The following FNDC3A variants were observed in gnomAD, a reference collection of about 807,000 sequenced individuals.
FNDC3A encodes fibronectin type III domain containing 3A.
In FNDC3A, 32 loss-of-function variants were observed where a neutral mutation model predicts 148.9. The ratio of observed to expected loss-of-function variants is 0.21; its 90% CI spans 0.16 to 0.29. The LOEUF is 0.29. Among genes scored for constraint, FNDC3A ranks in the 10% least tolerant of loss-of-function variants. The pLI, the probability that FNDC3A is intolerant of heterozygous loss-of-function variation, is 1.00. For synonymous variants in FNDC3A, 472 were observed against 473.6 expected, an observed-to-expected ratio of 1.00 and a Z score of 0.04; for missense variants, 1,191 against 1,452.8, an observed-to-expected ratio of 0.82 and a Z score of 2.93.
chr13:49,196,765 T>A (rs1257059074), intron 19 of FNDC3A, 112 bp from the exon 20 acceptor site: 1 of 521,924 alleles, frequency 1.9e-6, no homozygotes, highest in African/African-American at 1.9e-5. Flanking sequence ...CAAATTAATC[T>A]TGAAACACAG....
At chr13:49,167,184 T>C (rs965562103) in intron 8 of FNDC3A, 60 bp from the exon 9 acceptor site, 1 of 988,624 alleles carries the variant, frequency 1.0e-6, no homozygotes, top group Non-Finnish European at 1.6e-6. Flanking sequence ...GTGTATATAA[T>C]GTACATTGGT....
At position 49,083,353 on chromosome 13, in the gene FNDC3A, AT is replaced by A. The variant is rs528580688; in HGVS notation, c.175+7993del. Among the ~76,000 whole-genome samples, 428 of 152,360 alleles carry A rather than the reference AT, an allele frequency of 2.8e-3. 2 individuals carry two copies. Among genetic ancestry groups the A allele is most frequent in the African/African-American group, 9.8e-3 (407 of 41,580 alleles). ...ACAACTTTATGAATAGAACTTGCTT[AT>A]TTTAGCGGAACTAGAACTAAATATG... On this transcript the variant is annotated intron_variant, in intron 3 of 25. Transcript: ENST00000492622.
intron 3 of FNDC3A, among the ~76,000 whole-genome samples, chr13:49,077,064 G>A (rs1878163525): frequency 6.6e-6 from 1 of 152,166 alleles, no homozygotes; most frequent in Non-Finnish European, 1.5e-5. Flanking sequence ...GACCTCTTGA[G>A]GCCAGGAATA....
At chr13:49,202,622 T>C (rs551220714) in intron 24 of FNDC3A, among the ~76,000 whole-genome samples, 3 of 152,342 alleles carry the variant, frequency 2.0e-5, no homozygotes, top group African/African-American at 7.2e-5. Flanking sequence ...AGAACTCTTC[T>C]TGACTAGTCT....
chr13:49,144,262 C>A (rs944167599), intron 7 of FNDC3A, among the ~76,000 whole-genome samples: 1 of 151,876 alleles, frequency 6.6e-6, no homozygotes, highest in Non-Finnish European at 1.5e-5. Context: ...TACAAAGAAT[C>A]ATTTTTAAGT....
chr13:49,011,852 A>T (rs1952352388), intron 2 of FNDC3A, among the ~76,000 whole-genome samples: 1 of 152,148 alleles, frequency 6.6e-6, no homozygotes. Flanking sequence ...AGGCAATGAA[A>T]ATATTTCTAA....
At chr13:49,065,374 A>T (rs966822851) in intron 2 of FNDC3A, among the ~76,000 whole-genome samples, 1 of 152,232 alleles carries the variant, frequency 6.6e-6, no homozygotes, top group African/African-American at 2.4e-5. Flanking sequence ...AGTATTGAGG[A>T]CTACACAATA....
chr13:49,094,557 C>T (rs545978358), intron 3 of FNDC3A, among the ~76,000 whole-genome samples: 261 of 152,148 alleles, frequency 1.7e-3, no homozygotes, highest in African/African-American at 6.1e-3. Context: ...AATTCTTAAC[C>T]TAATATTTGC....
At chr13:49,111,821 G>C (rs1222324625) in intron 3 of FNDC3A, among the ~76,000 whole-genome samples, 2 of 151,674 alleles carry the variant, frequency 1.3e-5, no homozygotes, top group Admixed American at 1.3e-4. Flanking sequence ...TCGTAAAGAA[G>C]TAAGTTAATC....
intron 23 of FNDC3A, among the ~76,000 whole-genome samples, chr13:49,199,038 TA>T (rs1163212565): frequency 6.6e-6 from 1 of 152,046 alleles, no homozygotes; most frequent in Non-Finnish European, 1.5e-5. Flanking sequence ...TTTTTTTTTT[TA>T]AGACAAGGTC....
intron 4 of FNDC3A, among the ~76,000 whole-genome samples, chr13:49,120,389 C>T (rs551013095): frequency 2.4e-4 from 37 of 152,218 alleles, no homozygotes; most frequent in African/African-American, 8.7e-4. Context: ...CAAAAACATG[C>T]CAAATTGTAA....
intron 2 of FNDC3A, among the ~76,000 whole-genome samples, chr13:49,016,157 G>A (rs1229227057): frequency 4.6e-5 from 7 of 152,202 alleles, no homozygotes; most frequent in African/African-American, 1.7e-4. Context: ...TCTGTTGATT[G>A]GAATAGTTTC....
chr13:48,976,843 G>GC (rs1360992377), intron 1 of FNDC3A: 2 of 152,376 alleles, frequency 1.3e-5, no homozygotes, highest in African/African-American at 4.8e-5. Context: ...ACTCGAGGCT[G>GC]CAGTCCTCGC....
At chr13:49,052,682 T>C (rs1326398476) in intron 2 of FNDC3A, among the ~76,000 whole-genome samples, 1 of 152,110 alleles carries the variant, frequency 6.6e-6, no homozygotes, top group Non-Finnish European at 1.5e-5. Flanking sequence ...CTTTCAAGAG[T>C]GCATCAGCTG....
intron 5 of FNDC3A, 92 bp from the exon 6 acceptor site, chr13:49,136,240 A>G: frequency 1.8e-6 from 2 of 1,086,584 alleles, no homozygotes; most frequent in South Asian, 1.8e-5. Flanking sequence ...TAAAAGTTTT[A>G]TATGATAGAT....
chr13:49,035,979 C>T (rs755841361), intron 2 of FNDC3A, among the ~76,000 whole-genome samples: 3 of 152,060 alleles, frequency 2.0e-5, no homozygotes, highest in Non-Finnish European at 4.4e-5. Context: ...ATCAGCCTGT[C>T]AGTCTACAGA....
chr13:49,101,083 A>G (rs1847940958), intron 3 of FNDC3A, among the ~76,000 whole-genome samples: 1 of 152,128 alleles, frequency 6.6e-6, no homozygotes, highest in Non-Finnish European at 1.5e-5. Flanking sequence ...AGAAAATGAG[A>G]AACAGTTAAA....
intron 1 of FNDC3A, among the ~76,000 whole-genome samples, chr13:49,001,529 A>G (rs1352561992): frequency 6.6e-6 from 1 of 152,196 alleles, no homozygotes; most frequent in African/African-American, 2.4e-5. Flanking sequence ...TCTTCTTTCA[A>G]AAGCAAATGG....
chr13:49,075,986 T>G (rs1184204993), intron 3 of FNDC3A, among the ~76,000 whole-genome samples: 4 of 152,068 alleles, frequency 2.6e-5, no homozygotes, highest in Non-Finnish European at 5.9e-5. Context: ...GTAGGGTGTT[T>G]AGTGGAATTC....
Sources: allele counts gnomAD v4.1 joint callset (sites outside exome capture counted in the v4.1 genomes callset), GRCh38; gene constraint gnomAD v4.1.1; transcripts MANE v1.5; gene names NCBI Gene and HGNC (gene_info 2026-07-23, HGNC 2026-07-21).